The following PTPRD variants were observed in gnomAD, a reference collection of about 807,000 sequenced individuals.
PTPRD encodes the protein receptor-type tyrosine-protein phosphatase delta.
PTPRD carries 34 observed loss-of-function variants against 214.5 expected under a neutral mutation model. That is an observed-to-expected ratio of 0.16 (90% confidence interval 0.12 to 0.21). The LOEUF (loss-of-function observed/expected upper bound fraction) is 0.21. PTPRD is among the 10% of genes least tolerant of loss of function. The pLI is 1.00. For missense variants in PTPRD, 2,545 were observed against 2,398.7 expected (o/e 1.06, Z -1.27); for synonymous variants, 1,128 against 845.7 (o/e 1.33, Z -5.79).
chr9:10,408,401 G>A (rs1255162388), intron 2 of PTPRD, among the ~76,000 whole-genome samples: 1 of 151,510 alleles, frequency 6.6e-6, no homozygotes, highest in African/African-American at 2.4e-5. Context: ...CTGACGGTCT[G>A]TAATAAAAAA....
chr9:8,626,801 T>A (rs1443046691), intron 14 of PTPRD, among the ~76,000 whole-genome samples: 1 of 151,716 alleles, frequency 6.6e-6, no homozygotes, highest in Admixed American at 6.6e-5. Flanking sequence ...GGACTAGAAC[T>A]GCACATCAAC....
chr9:9,709,016 T>C (rs1595742763), intron 7 of PTPRD, among the ~76,000 whole-genome samples: 1 of 152,102 alleles, frequency 6.6e-6, no homozygotes. Flanking sequence ...TTATATCTTT[T>C]CAAGTCTGCA....
At chr9:10,019,266 G>C (rs2096792642) in intron 4 of PTPRD, among the ~76,000 whole-genome samples, 1 of 152,170 alleles carries the variant, frequency 6.6e-6, no homozygotes, top group Non-Finnish European at 1.5e-5. Context: ...TCATTAAAAA[G>C]TCAGGAAAAA....
intron 11 of PTPRD, among the ~76,000 whole-genome samples, chr9:8,847,739 T>C (rs1238467681): frequency 8.0e-6 from 1 of 124,912 alleles, no homozygotes. Flanking sequence ...GGCTAAACTA[T>C]TATAAAATAG....
intron 7 of PTPRD, among the ~76,000 whole-genome samples, chr9:9,688,969 A>G (rs2097214223): frequency 6.6e-6 from 1 of 151,896 alleles, no homozygotes; most frequent in Admixed American, 6.6e-5. Flanking sequence ...GTATACATAC[A>G]TACATATAAA....
At chr9:9,117,046 T>C (rs2099813043) in intron 10 of PTPRD, among the ~76,000 whole-genome samples, 1 of 152,094 alleles carries the variant, frequency 6.6e-6, no homozygotes, top group Non-Finnish European at 1.5e-5. Context: ...ATACAGGCTT[T>C]ACTCCTTCCC....
At chr9:8,951,777 T>C (rs550528340) in intron 11 of PTPRD, among the ~76,000 whole-genome samples, 1 of 152,200 alleles carries the variant, frequency 6.6e-6, no homozygotes, top group South Asian at 2.1e-4. Context: ...CCCCAAGTTC[T>C]TGTGTGGAAA....
chr9:8,546,930 G>C (rs559165618), intron 14 of PTPRD, among the ~76,000 whole-genome samples: 1 of 152,298 alleles, frequency 6.6e-6, no homozygotes, highest in Admixed American at 6.5e-5. Flanking sequence ...GGTTTATTTA[G>C]CAAAGGCACA....
intron 20 of PTPRD, among the ~76,000 whole-genome samples, chr9:8,520,470 A>C (rs1009746416): frequency 1.3e-5 from 2 of 152,166 alleles, no homozygotes; most frequent in African/African-American, 4.8e-5. Context: ...CTGAATTCCA[A>C]ATGCCTACAA....
chr9:8,380,049 C>T (rs549420098), intron 37 of PTPRD, among the ~76,000 whole-genome samples: 1 of 152,158 alleles, frequency 6.6e-6, no homozygotes, highest in Admixed American at 6.5e-5. Flanking sequence ...CACTAGCTAT[C>T]ATTGGTTATC....
At chr9:8,431,774 C>T (rs1219275121) in intron 35 of PTPRD, among the ~76,000 whole-genome samples, 1 of 152,148 alleles carries the variant, frequency 6.6e-6, no homozygotes, top group Non-Finnish European at 1.5e-5. Flanking sequence ...ATTTCTGGGG[C>T]TGGGACCAGG....
intron 2 of PTPRD, among the ~76,000 whole-genome samples, chr9:10,503,046 T>C (rs565239888): frequency 6.6e-6 from 1 of 152,038 alleles, no homozygotes; most frequent in Admixed American, 6.6e-5. Flanking sequence ...TCCTTTAGAA[T>C]GTCAATTTTC....
intron 3 of PTPRD, among the ~76,000 whole-genome samples, chr9:10,061,862 T>G (rs2097782334): frequency 1.3e-5 from 2 of 151,952 alleles, no homozygotes; most frequent in Admixed American, 6.6e-5. Flanking sequence ...AACAGTATAG[T>G]CTCTGGACCT....
rs371171930 is a variant in PTPRD at position 9,509,920 on chromosome 9, C to A, written c.-237+64812G>T. On this transcript the variant is annotated intron_variant, in intron 8 of 45. Transcript: ENST00000381196. ...ACTGTGTGCCTTGTATCTAATGTAA[C>A]TGCATTCCCCAGTTTCCATTTCCAA... is the stretch of plus-strand genomic sequence containing the variant. 1.3e-4 allele frequency among the ~76,000 whole-genome samples: 20 copies of A among 151,792 alleles called. 1 individual carries two copies. Among genetic ancestry groups the A allele is most frequent in the Admixed American group, 5.9e-4 (9 of 15,170 alleles).
Position 9,025,990 on chromosome 9 carries a change from A to T in PTPRD, c.-142-7255T>A, listed in dbSNP as rs191877054. 2.8e-3 allele frequency among the ~76,000 whole-genome samples: 420 copies of T among 151,504 alleles called. 4 individuals are homozygous for T. Among genetic ancestry groups the T allele is most frequent in the Non-Finnish European group, 3.3e-3 (226 of 67,908 alleles). Reference sequence around the variant, plus strand: ...TAATGGGTAACAGGTAATAAATGACAAAGAAAGAAAGAAAGAGAAAGACAG... The same window carrying T: ...TAATGGGTAACAGGTAATAAATGACTAAGAAAGAAAGAAAGAGAAAGACAG... On this transcript the variant is annotated intron_variant, in intron 10 of 45. Coordinates refer to ENST00000381196, the MANE Select transcript of PTPRD (RefSeq NM_002839.4).
intron 11 of PTPRD, among the ~76,000 whole-genome samples, chr9:8,770,152 A>G (rs2095090665): frequency 6.6e-6 from 1 of 152,072 alleles, no homozygotes; most frequent in Non-Finnish European, 1.5e-5. Flanking sequence ...TTGGTGGTGC[A>G]CGCCTGTAAT....
chr9:10,457,456 C>T (rs368679879), intron 2 of PTPRD, among the ~76,000 whole-genome samples: 52 of 152,130 alleles, frequency 3.4e-4, no homozygotes, highest in African/African-American at 1.2e-3. Flanking sequence ...ACGCTTCTTT[C>T]AGTGTCTTCA....
intron 8 of PTPRD, among the ~76,000 whole-genome samples, chr9:9,442,801 C>T (rs2088662147): frequency 1.3e-5 from 2 of 152,062 alleles, no homozygotes; most frequent in Non-Finnish European, 2.9e-5. Context: ...TTTAATGTTT[C>T]TGTTTAGTGT....
intron 7 of PTPRD, among the ~76,000 whole-genome samples, chr9:9,582,669 C>T (rs948649433): frequency 3.3e-5 from 5 of 151,990 alleles, no homozygotes; most frequent in African/African-American, 1.2e-4. Flanking sequence ...AAGTTCCTTA[C>T]ATTACTCTAT....
Sources: allele counts gnomAD v4.1 joint callset (sites outside exome capture counted in the v4.1 genomes callset), GRCh38; gene constraint gnomAD v4.1.1; transcripts MANE v1.5; gene names NCBI Gene and HGNC (gene_info 2026-07-23, HGNC 2026-07-21).